Variants in KAT2A observed in about 807,000 individuals in gnomAD.
KAT2A encodes the protein lysine acetyltransferase 2A.
A neutral mutation model predicts 95.2 loss-of-function variants in KAT2A; 42 were observed. That is an observed-to-expected ratio of 0.44 (90% confidence interval 0.34 to 0.57). The LOEUF (loss-of-function observed/expected upper bound fraction) is 0.57, where lower values mean the gene tolerates loss of function less well. Among genes scored for constraint, KAT2A ranks in the 20% least tolerant of loss-of-function variants. The probability of loss-of-function intolerance (pLI) is 0.01; values close to 1 mark genes in which losing one functional copy is unlikely to be tolerated. For missense variants in KAT2A, 784 were observed against 1,126.3 expected, an observed-to-expected ratio of 0.70 and a Z score of 4.35; for synonymous variants, 449 against 448.2, an observed-to-expected ratio of 1.00 and a Z score of -0.02.
rs1382911384 is a variant in KAT2A, at chr17:42,113,389, G to T, written c.*260C>A. On this transcript the variant is annotated 3_prime_UTR_variant, in exon 18 of 18. Transcript: ENST00000225916. ...CTGGGGGCCACCACGGCTGGGCAAG[G>T]TTCATCCCTGGCCACCAGCTACTCT... The T allele has an allele frequency of 1.3e-5, 5 of 380,658 alleles. No homozygotes were observed. The highest frequency in any genetic ancestry group is 6.7e-4 in the Middle Eastern group (1 of 1,502). The allele number at this position is 380,658 out of a possible 1,614,324, so 23.6% of individuals were successfully genotyped here. A position where few individuals can be genotyped will look rare whatever the true frequency, so the allele number is the denominator to read the frequency against.
At chr17:42,116,658 T>C (rs1184392193) in intron 11 of KAT2A, among the ~76,000 whole-genome samples, 1 of 152,072 alleles carries the variant, frequency 6.6e-6, no homozygotes, top group Admixed American at 6.5e-5. Context: ...ACCTGGGAGG[T>C]TGAGGCTGCA....
intron 1 of KAT2A, 52 bp downstream of exon 1, chr17:42,120,914 G>C: frequency 6.4e-7 from 1 of 1,554,470 alleles, no homozygotes. Flanking sequence ...ATTCCCACCA[G>C]AGCCCTGGGA....
intron 2 of KAT2A, 122 bp from the exon 3 acceptor site, chr17:42,120,492 G>A: frequency 8.0e-7 from 1 of 1,250,276 alleles, no homozygotes. Context: ...CCAACAGTGA[G>A]ACTGACTGCT....
Position 42,117,717 on chromosome 17 carries a change from C to T in KAT2A, c.1389G>A (p.Met463Ile), listed in dbSNP as rs373945603. Residue 463 changes from methionine to isoleucine, a missense_variant, in exon 9 of 18, where the codon ATG (methionine) becomes ATA (isoleucine). Met to Ile is a conservative substitution (Grantham distance 10). Transcript: ENST00000225916. The surrounding 1 kb of genome is among the most constrained non-coding windows in gnomAD (Gnocchi z 8.9). Reference sequence around the variant, plus strand: ...TGGCAGCAGGGTCAGTGATGGTCAGCATGACCTCATTGACCAGCTCCATGG... The same window carrying T: ...TGGCAGCAGGGTCAGTGATGGTCAGTATGACCTCATTGACCAGCTCCATGG... ...DIPMELVNEV[M>I]LTITDPAAML... The T allele has an allele frequency of 3.7e-6, 6 of 1,613,404 alleles. No homozygotes were observed. The highest frequency in any genetic ancestry group is 2.7e-5 in the African/African-American group (2 of 74,916).
rs781796326 is a variant in KAT2A, at chr17:42,120,135, A to T, written c.610-16T>A. On this transcript the variant is annotated splice_polypyrimidine_tract_variant and intron_variant, in intron 3 of 17. Transcript: ENST00000225916. ...TCCGCAGTAGCTAGAGAGAAGAGGA[A>T]GGGGGCATAGAGGGGAGGGGGGCAG... is the stretch of plus-strand genomic sequence containing the variant. The T allele has an allele frequency of 6.2e-7, 1 of 1,614,010 alleles. No individual in the cohort carries two copies. The highest frequency in any genetic ancestry group is 1.1e-5 in the South Asian group (1 of 91,088).
At chr17:42,116,070 C>T (rs1028537040) in intron 11 of KAT2A, among the ~76,000 whole-genome samples, 35 of 152,144 alleles carry the variant, frequency 2.3e-4, no homozygotes, top group African/African-American at 8.2e-4. Flanking sequence ...TTTTACAGAC[C>T]GATTCTCAAA....
Position 42,113,633 on chromosome 17 carries a change from C to T in KAT2A, c.*16G>A, listed in dbSNP as rs367630274. 90 of 1,598,318 alleles carry T rather than the reference C, an allele frequency of 5.6e-5. No individual in the cohort carries two copies. Among genetic ancestry groups the T allele is most frequent in the Admixed American group, 3.0e-4 (17 of 56,114 alleles). The stretch of plus-strand genomic sequence containing the variant: ...GTGGAGACATTCCAGGTCAGGGCTG[C>T]GGCCCAAAGATGGGCCTACTTGTCA... On this transcript the variant is annotated 3_prime_UTR_variant, in exon 18 of 18. Coordinates refer to ENST00000225916, the MANE Select transcript of KAT2A (RefSeq NM_021078.3).
At position 42,118,833 on chromosome 17, in the gene KAT2A, T is replaced by C. The variant is rs117824968; in HGVS notation, c.1073+412A>G. Reference sequence around the variant, plus strand: ...CAGGGTTTTTTGAACAGGGGAGTTATGGCCTAGATTTTAAAAGGTGTGGCC... The same window carrying C: ...CAGGGTTTTTTGAACAGGGGAGTTACGGCCTAGATTTTAAAAGGTGTGGCC... On this transcript the variant is annotated intron_variant, in intron 6 of 17. Coordinates refer to ENST00000225916, the MANE Select transcript of KAT2A (RefSeq NM_021078.3). Among the ~76,000 whole-genome samples the C allele has an allele frequency of 3.7e-4, 56 of 152,342 alleles. No individual in the cohort carries two copies. The East Asian group carries it at 5.4e-3, about 15-fold the overall frequency.
rs868920080 is a variant in KAT2A at position 42,120,480 on chromosome 17, G to A, written c.464-110C>T. 28 of 1,298,926 alleles carry A rather than the reference G, an allele frequency of 2.2e-5. No homozygotes were observed. In the Middle Eastern group the frequency reaches 2.2e-3, roughly 103 times the overall value. The allele number at this position is 1,298,926 out of a possible 1,614,324, so 80.5% of individuals were successfully genotyped here. A position where few individuals can be genotyped will look rare whatever the true frequency, so the allele number is the denominator to read the frequency against. ...CACACTCTGTTCCTCCAACCAGTGT[G>A]ACCAACAGTGAGACTGACTGCTCCG... On this transcript the variant is annotated intron_variant, in intron 2 of 17. Coordinates refer to ENST00000225916, the MANE Select transcript of KAT2A (RefSeq NM_021078.3).
Position 42,118,408 on chromosome 17 carries a change from A to C in KAT2A, c.1074-5T>G, listed in dbSNP as rs782170207. 6 of 1,588,512 alleles carry C rather than the reference A, an allele frequency of 3.8e-6. No individual in the cohort carries two copies. Among genetic ancestry groups the C allele is most frequent in the Non-Finnish European group, 5.2e-6 (6 of 1,156,942 alleles). On this transcript the variant is annotated splice_region_variant and splice_polypyrimidine_tract_variant and intron_variant, in intron 6 of 17. Transcript: ENST00000225916. ...TCCTCCAGCATGGACAGGAATCTGT[A>C]GGGAGGACACAGTCTGTCCCACAAC...
Position 42,117,520 on chromosome 17 carries a change from T to C in KAT2A, c.1505A>G (p.His502Arg). 6.2e-7 allele frequency: 1 copy of C among 1,613,520 alleles called. No homozygotes were observed. Among genetic ancestry groups the C allele is most frequent in the South Asian group, 1.1e-5 (1 of 91,082 alleles). Residue 502 changes from histidine (H) to arginine (R), a missense_variant, in exon 10 of 18, where the codon CAT becomes CGT. Physicochemically the swap from His to Arg is conservative, Grantham distance 29. Around this residue, in one of 6 missense-constraint regions of KAT2A, gnomAD observed 174 missense variants for 324.9 expected, o/e 0.54. Transcript: ENST00000225916. The surrounding 1 kb of genome is among the most constrained non-coding windows in gnomAD (Gnocchi z 8.9). ...GGGCGTCAGTGAGTTGCCGATGACA[T>C]GGAACTCGATGATGCCGCGGCGCTC... ...LEERRGIIEF[H>R]VIGNSLTPKA...
At chr17:42,115,127 G>T in intron 12 of KAT2A, 92 bp from the exon 13 acceptor site, 2 of 1,291,784 alleles carry the variant, frequency 1.5e-6, no homozygotes, top group Non-Finnish European at 2.2e-6. Context: ...AGTAGCACGT[G>T]CCACTTGCCA....
Position 42,119,143 on chromosome 17 carries a change from G to A in KAT2A, c.1073+102C>T, listed in dbSNP as rs954923877. 54 of 1,511,344 alleles carry A rather than the reference G, an allele frequency of 3.6e-5. No individual in the cohort carries two copies. The highest frequency in any genetic ancestry group is 4.4e-5 in the Non-Finnish European group (50 of 1,130,948). 93.6% of individuals were successfully genotyped at this position (1,511,344 alleles called of 1,614,324 possible). A position where few individuals can be genotyped will look rare whatever the true frequency, so the allele number is the denominator to read the frequency against. ...GCCCAGATCCCAAAAGGCCCATGGA[G>A]GGAGAGGAGGGACCAATCCAGGAAG... is the stretch of plus-strand genomic sequence containing the variant. On this transcript the variant is annotated intron_variant, in intron 6 of 17. Coordinates refer to ENST00000225916, the MANE Select transcript of KAT2A (RefSeq NM_021078.3). This position sits in a 1 kb window ranked among gnomAD's most constrained non-coding sequence, Gnocchi z 5.3.
chr17:42,114,076 G>A lies in KAT2A; in HGVS notation c.2244C>T (p.Pro748=), dbSNP rs1555665388. The change falls in exon 17 of 18, where the codon CCC becomes CCT. Residue 748 remains proline, a synonymous_variant. Coordinates refer to ENST00000225916, the MANE Select transcript of KAT2A (RefSeq NM_021078.3). The surrounding 1 kb of genome is among the most constrained non-coding windows in gnomAD (Gnocchi z 6.0). The part of the protein sequence containing the change: ...KNLLAQIKSH[P]SAWPFMEPVK... ...CAGGCTCCATGAAGGGCCAGGCACT[G>A]GGGTGAGACTGGAGAGAAGAGCCGG... 2.6e-6 allele frequency: 4 copies of A among 1,540,384 alleles called. No homozygotes were observed. The highest frequency in any genetic ancestry group is 3.5e-6 in the Non-Finnish European group (4 of 1,149,286).
At chr17:42,115,283 G>T (rs2054239855) in intron 12 of KAT2A, among the ~76,000 whole-genome samples, 1 of 103,768 alleles carries the variant, frequency 9.6e-6, no homozygotes, top group African/African-American at 4.7e-5. Flanking sequence ...AGTTCCTCTA[G>T]CCTCCTCTAC....
At chr17:42,115,559 G>A (rs2054246026) in intron 12 of KAT2A, 164 bp downstream of exon 12, 2 of 626,828 alleles carry the variant, frequency 3.2e-6, no homozygotes, top group African/African-American at 3.6e-5. Context: ...TTCTCCCCTG[G>A]GGCAATGGCA....
Position 42,114,176 on chromosome 17 carries a change from C to T in KAT2A, c.2235+43G>A. On this transcript the variant is annotated intron_variant, in intron 16 of 17. Coordinates refer to ENST00000225916, the MANE Select transcript of KAT2A (RefSeq NM_021078.3). This position sits in a 1 kb window ranked among gnomAD's most constrained non-coding sequence, Gnocchi z 6.0. ...CCCACACTGCATCAAGAGGCCACAG[C>T]CATTGGTGCAGGGGCCCTGGAAAGG... 6.3e-7 allele frequency: 1 copy of T among 1,582,144 alleles called. No homozygotes were observed. Among genetic ancestry groups the T allele is most frequent in the South Asian group, 1.1e-5 (1 of 88,048 alleles).
rs781982924 is a variant in KAT2A at position 42,119,528 on chromosome 17, T to G, written c.881+9A>C. The G allele has an allele frequency of 1.3e-6, 2 of 1,584,126 alleles. No homozygotes were observed. The highest frequency in any genetic ancestry group is 2.3e-5 in the South Asian group (2 of 87,522). On this transcript the variant is annotated intron_variant, in intron 5 of 17. Transcript: ENST00000225916. This position sits in a 1 kb window ranked among gnomAD's most constrained non-coding sequence, Gnocchi z 5.3. ...AGCCTCCCCCGAAGCTGCCCCTGGC[T>G]GGGCCTACCTGGTGTAATTGACCTT...
rs1240066439 is a variant in KAT2A at position 42,121,252 on chromosome 17, G to A, written c.53C>T (p.Pro18Leu). 2.6e-5 allele frequency: 35 copies of A among 1,358,800 alleles called. No individual in the cohort carries two copies. The highest frequency in any genetic ancestry group is 3.1e-5 in the Non-Finnish European group (33 of 1,048,914). 84.2% of individuals were successfully genotyped at this position (1,358,800 alleles called of 1,614,324 possible). Reference protein sequence around the residue: ...PTPAPAAQPRPLQSPAPAPTP... With the variant: ...PTPAPAAQPRLLQSPAPAPTP... The stretch of plus-strand genomic sequence containing the variant: ...TGGGGCAGGGGCTGGGGACTGAAGG[G>A]GCCGGGGCTGCGCAGCCGGGGCCGG... The change falls in exon 1 of 18, where the codon CCC becomes CTC. Residue 18 changes from proline (P) to leucine (L), a missense_variant. Pro to Leu is a moderately conservative substitution (Grantham distance 98, BLOSUM62 -3). Coordinates refer to ENST00000225916, the MANE Select transcript of KAT2A (RefSeq NM_021078.3).
Sources: allele counts gnomAD v4.1 joint callset (sites outside exome capture counted in the v4.1 genomes callset), GRCh38; gene constraint gnomAD v4.1.1; regional missense constraint gnomAD v4.1.1; non-coding constraint Gnocchi (gnomAD v3.1); transcripts MANE v1.5; gene names NCBI Gene and HGNC (gene_info 2026-07-23, HGNC 2026-07-21).